Variants in OR2L13 observed in about 807,000 individuals in gnomAD.
The protein encoded by OR2L13 is olfactory receptor 2L13.
Under a neutral mutation model 15.3 loss-of-function variants are expected in OR2L13, and 14 were observed. That is an observed-to-expected ratio of 0.91 (90% CI 0.60 to 1.43). OR2L13 has a LOEUF of 1.43. OR2L13 is among the 40% of genes most tolerant of loss of function. The probability of loss-of-function intolerance (pLI) is 0.00; values close to 1 mark genes in which losing one functional copy is unlikely to be tolerated. For synonymous variants in OR2L13, 152 were observed against 142.9 expected (o/e 1.06, Z -0.45); for missense variants, 367 against 387.9 (o/e 0.95, Z 0.45).
chr1:247,978,086 GATTATAAA>G, the OR2L13 span, among the ~76,000 whole-genome samples: 9 of 152,262 alleles, frequency 5.9e-5, no homozygotes, highest in African/African-American at 1.9e-4. Context: ...CTTACAAGAG[GATTATAAA>G]TGTACCAATC....
At chr1:247,938,657 T>C in the OR2L13 span, among the ~76,000 whole-genome samples, 1 of 152,032 alleles carries the variant, frequency 6.6e-6, no homozygotes, top group South Asian at 2.1e-4. Flanking sequence ...CACACACACA[T>C]GCACACATAC....
At chr1:248,034,422 TA>T in the OR2L13 span, among the ~76,000 whole-genome samples, 6,693 of 152,142 alleles carry the variant, frequency 0.044, 479 homozygotes, top group African/African-American at 0.15. Context: ...ATTTTGTCCT[TA>T]AAAAAACGTT....
At chr1:248,038,636 G>A in the OR2L13 span, 3 of 1,614,120 alleles carry the variant, frequency 1.9e-6, no homozygotes, top group African/African-American at 4.0e-5. Context: ...ATCGTTATGT[G>A]GCCATTTGCT....
the OR2L13 span, chr1:247,949,056 C>T: frequency 1.9e-6 from 3 of 1,613,836 alleles, no homozygotes; most frequent in Non-Finnish European, 2.5e-6. Flanking sequence ...TCAGCTCTCC[C>T]TCATTGACCT....
At chr1:247,949,216 A>G in the OR2L13 span, 25 of 1,614,180 alleles carry the variant, frequency 1.5e-5, no homozygotes, top group Non-Finnish European at 2.0e-5. Context: ...ATGGCCTATG[A>G]TCGTTACATT....
chr1:247,959,518 G>A, the OR2L13 span, among the ~76,000 whole-genome samples: 1 of 151,710 alleles, frequency 6.6e-6, no homozygotes, highest in South Asian at 2.1e-4. Flanking sequence ...AGTTCTCTTG[G>A]ATAATATCCT....
the OR2L13 span, among the ~76,000 whole-genome samples, chr1:247,970,092 G>A: frequency 3.9e-5 from 6 of 152,130 alleles, no homozygotes. Flanking sequence ...TGTTGCCAGG[G>A]AGGATGTTTT....
At chr1:247,999,136 T>C in the OR2L13 span, among the ~76,000 whole-genome samples, 1 of 152,138 alleles carries the variant, frequency 6.6e-6, no homozygotes, top group African/African-American at 2.4e-5. Flanking sequence ...CCCCCTGTTG[T>C]AATTATAAAC....
At chr1:247,990,421 T>C in the OR2L13 span, 14 of 1,584,590 alleles carry the variant, frequency 8.8e-6, no homozygotes, top group Admixed American at 8.4e-5. Context: ...TTCTTGGACA[T>C]CCATCTCCAC....
At position 248,099,768 on chromosome 1, in the gene OR2L13, T is replaced by G. The variant is rs1447969781; in HGVS notation, c.393T>G (p.Tyr131Ter). ...TGGCCATCTGCCACTCTCTCTATTA[T>G]CCTATCCGCATGAGTAAAATGATGT... Residue 131 changes from tyrosine (Y) to a stop codon, truncating the protein, a stop_gained, in exon 3 of 3, where the codon TAT becomes TAG. Coordinates refer to ENST00000641714, the Ensembl canonical transcript of OR2L13. LOFTEE classifies it high-confidence loss of function. The G allele has an allele frequency of 6.2e-7, 1 of 1,614,024 alleles. No homozygotes were observed. Among genetic ancestry groups the G allele is most frequent in the African/African-American group, 1.3e-5 (1 of 74,912 alleles).
chr1:248,073,869 T>G, the OR2L13 span, among the ~76,000 whole-genome samples: 1 of 151,858 alleles, frequency 6.6e-6, no homozygotes, highest in Admixed American at 6.6e-5. Context: ...AATATAAATA[T>G]TAACTCTATA....
At chr1:248,084,783 G>A in the OR2L13 span, among the ~76,000 whole-genome samples, 2 of 152,218 alleles carry the variant, frequency 1.3e-5, 1 homozygote, top group South Asian at 4.2e-4. Context: ...GCAGTGCCAA[G>A]GACTCATTAA....
the OR2L13 span, among the ~76,000 whole-genome samples, chr1:248,053,168 T>C: frequency 1.3e-5 from 2 of 152,172 alleles, no homozygotes; most frequent in Admixed American, 1.3e-4. Context: ...TGTGTTTTCA[T>C]TGTTCAGCTC....
chr1:247,939,236 CTT>C, the OR2L13 span: 2 of 152,254 alleles, frequency 1.3e-5, no homozygotes, highest in African/African-American at 4.8e-5. Context: ...ATCAGATTCT[CTT>C]ATGTAGAAAC....
At chr1:247,985,517 C>T in the OR2L13 span, among the ~76,000 whole-genome samples, 775 of 152,306 alleles carry the variant, frequency 5.1e-3, 8 homozygotes, top group African/African-American at 0.018. Flanking sequence ...TATTGTTGGA[C>T]ATTTGGATTG....
the OR2L13 span, among the ~76,000 whole-genome samples, chr1:248,016,291 C>A: frequency 1.2e-4 from 19 of 152,142 alleles, no homozygotes; most frequent in Non-Finnish European, 2.5e-4. Flanking sequence ...ACTTGATTTA[C>A]ACAGGAGATT....
At chr1:247,958,010 TC>T in the OR2L13 span, among the ~76,000 whole-genome samples, 1 of 152,218 alleles carries the variant, frequency 6.6e-6, no homozygotes, top group Admixed American at 6.5e-5. Flanking sequence ...CTCTTGCTTC[TC>T]TAGTTTTTTT....
At chr1:247,953,947 T>C in the OR2L13 span, among the ~76,000 whole-genome samples, 1 of 152,030 alleles carries the variant, frequency 6.6e-6, no homozygotes, top group Non-Finnish European at 1.5e-5. Context: ...TTTTTCTTTG[T>C]AATTTTTTCT....
the OR2L13 span, chr1:248,003,393 A>G: frequency 6.2e-7 from 1 of 1,610,148 alleles, no homozygotes; most frequent in East Asian, 2.2e-5. Context: ...CTGCATGGAA[A>G]CAAGTCTATC....
Sources: gnomAD v4.1 joint callset for allele counts (sites outside exome capture counted in the v4.1 genomes callset) on GRCh38, gnomAD v4.1.1 for gene constraint, MANE v1.5 for transcripts, NCBI Gene and HGNC (gene_info 2026-07-23, HGNC 2026-07-21) for gene names.